The following DNAAF1 variants were observed in gnomAD, a reference collection of about 807,000 sequenced individuals.
DNAAF1 encodes dynein assembly factor 1, axonemal.
DNAAF1 carries 65 observed loss-of-function variants against 71.1 expected under a neutral mutation model. The ratio of observed to expected loss-of-function variants is 0.91; its 90% CI spans 0.75 to 1.12. The LOEUF is 1.12. Among genes scored for constraint, DNAAF1 ranks in the 50% most tolerant of loss-of-function variants. The probability of loss-of-function intolerance (pLI) is 0.00; values close to 1 mark genes in which losing one functional copy is unlikely to be tolerated. For missense variants in DNAAF1, 1,178 were observed against 899.8 expected (o/e 1.31, Z -3.96); for synonymous variants, 414 against 354.6 (o/e 1.17, Z -1.88).
intron 11 of DNAAF1, chr16:84,176,520 A>T: frequency 1.5e-6 from 1 of 687,578 alleles, no homozygotes; most frequent in South Asian, 1.7e-5. Context: ...CCACCGAGCC[A>T]GCCTCCTCTT....
In DNAAF1 at chr16:84,172,394, C is replaced by T; in HGVS notation, c.1644+19C>T. 6.2e-7 allele frequency: 1 copy of T among 1,613,070 alleles called. No individual in the cohort carries two copies. Among genetic ancestry groups the T allele is most frequent in the East Asian group, 2.2e-5 (1 of 44,876 alleles). On this transcript the variant is annotated intron_variant, in intron 9 of 11. Transcript: ENST00000378553. ...CATTGATGTACATGAAGTATTTAAT[C>T]TTGGAGATAAGTATCAGTTTTACTG...
intron 9 of DNAAF1, chr16:84,174,386 G>C (rs2088543718): frequency 3.0e-6 from 4 of 1,329,994 alleles, no homozygotes; most frequent in Middle Eastern, 6.0e-4. Context: ...AACTGGCTGT[G>C]TCTCTTAATA....
intron 11 of DNAAF1, chr16:84,177,518 G>A (rs1321979362): frequency 2.0e-6 from 1 of 511,918 alleles, no homozygotes; most frequent in Non-Finnish European, 3.6e-6. Flanking sequence ...TAGTAGAGAT[G>A]GGGTTTCACC....
chr16:84,145,552 G>T lies in DNAAF1; in HGVS notation c.112G>T (p.Gly38Cys), dbSNP rs551990619. ...TGACCACGGGAGCGCAGGCCGAGGG[G>T]GCTGCAAGGAAGGTGCCGACTGCCC... ...AGDHGSAGRG[G>C]CKEEINDPKE... is the part of the protein sequence containing the mutation. Residue 38 changes from glycine to cysteine, a missense_variant, in exon 1 of 12, where the codon GGC (glycine) becomes TGC (cysteine). Physicochemically the swap from Gly to Cys is radical, Grantham distance 159 (BLOSUM62 -3). Transcript: ENST00000378553. The T allele has an allele frequency of 6.5e-7, 1 of 1,548,882 alleles. No homozygotes were observed. The highest frequency in any genetic ancestry group is 1.2e-5 in the South Asian group (1 of 84,066).
rs763360364 is a variant in DNAAF1 at position 84,154,695 on chromosome 16, C to G, written c.471C>G (p.Phe157Leu). The change falls in exon 4 of 12, where the codon TTC becomes TTG. Residue 157 changes from phenylalanine (F) to leucine (L), a missense_variant. Physicochemically the swap from Phe to Leu is conservative, Grantham distance 22 (BLOSUM62 0). Coordinates refer to ENST00000378553, the MANE Select transcript of DNAAF1 (RefSeq NM_178452.6). ...CCCAAACTGAGTTGCGTTGCCTCTT[C>G]TTGCAAATGAACTTGCTCCGTAAAA... is the stretch of plus-strand genomic sequence containing the variant. ...LEAQTELRCLFLQMNLLRKIE... is the reference protein window; with the variant it reads ...LEAQTELRCLLLQMNLLRKIE... 1 of 1,614,150 alleles carries G rather than the reference C, an allele frequency of 6.2e-7. No individual in the cohort carries two copies. Among genetic ancestry groups the G allele is most frequent in the East Asian group, 2.2e-5 (1 of 44,882 alleles).
Position 84,155,839 on chromosome 16 carries a change from C to G in DNAAF1, c.741+90C>G, listed in dbSNP as rs1167411521. 7.4e-6 allele frequency: 11 copies of G among 1,484,524 alleles called. No homozygotes were observed. The South Asian group carries it at 8.3e-5, about 11-fold the overall frequency. The allele number at this position is 1,484,524 out of a possible 1,614,324, so 92.0% of individuals were successfully genotyped here. On this transcript the variant is annotated intron_variant, in intron 5 of 11. Transcript: ENST00000378553. The stretch of plus-strand genomic sequence containing the variant: ...AATATCAAGTCCTTTTGTCTTTTCT[C>G]TCCTTCCTGCCTTCCTTCCCTTTTT...
At chr16:84,174,885 T>A in intron 10 of DNAAF1, 163 bp downstream of exon 10, 1 of 963,688 alleles carries the variant, frequency 1.0e-6, no homozygotes, top group Non-Finnish European at 1.6e-6. Context: ...AGGCAGAGTC[T>A]GGCTCTGTCA....
chr16:84,165,674 A>C (rs1475463850), intron 6 of DNAAF1, 109 bp from the exon 7 acceptor site: 2 of 1,063,220 alleles, frequency 1.9e-6, no homozygotes, highest in East Asian at 4.8e-5. Flanking sequence ...TTGCAGTCAC[A>C]TGTCTGATGC....
At chr16:84,147,685 A>C (rs2086975381) in intron 1 of DNAAF1, among the ~76,000 whole-genome samples, 1 of 152,184 alleles carries the variant, frequency 6.6e-6, no homozygotes, top group Non-Finnish European at 1.5e-5. Flanking sequence ...GTGTTTTGCC[A>C]GCAAGAATTG....
chr16:84,172,209 A>G (rs2088395036), intron 8 of DNAAF1, 51 bp from the exon 9 acceptor site: 12 of 1,566,872 alleles, frequency 7.7e-6, no homozygotes, highest in African/African-American at 2.7e-5. Context: ...AGGCTCGTCC[A>G]TCTGCCTGCC....
chr16:84,165,860 G>A lies in DNAAF1; in HGVS notation c.941G>A (p.Arg314Gln), dbSNP rs374704486. Residue 314 changes from arginine to glutamine, a missense_variant, in exon 7 of 12, where the codon CGG becomes CAG. By Grantham distance (43) the Arg-to-Gln change is conservative. Transcript: ENST00000378553. The part of the protein sequence containing the change: ...EERQQWESRE[R>Q]KKITDSIEAL... ...AGACAGCAGTGGGAGAGCAGGGAGC[G>A]GAAGAAGATCACAGACAGCATTGAA... The A allele has an allele frequency of 2.6e-5, 42 of 1,613,198 alleles. No homozygotes were observed. In the East Asian group the frequency reaches 3.1e-4, roughly 12 times the overall value.
chr16:84,156,713 A>G (rs964117516), intron 5 of DNAAF1, among the ~76,000 whole-genome samples: 1 of 152,168 alleles, frequency 6.6e-6, no homozygotes, highest in African/African-American at 2.4e-5. Context: ...ATGCTTCTAC[A>G]CTTCTACAAA....
intron 3 of DNAAF1, among the ~76,000 whole-genome samples, chr16:84,150,558 C>G (rs1184578502): frequency 6.6e-6 from 1 of 151,832 alleles, no homozygotes; most frequent in East Asian, 1.9e-4. Context: ...ATAGGAATAC[C>G]AAGGAAACAC....
At chr16:84,164,341 A>T (rs147585767) in intron 6 of DNAAF1, among the ~76,000 whole-genome samples, 124 of 152,334 alleles carry the variant, frequency 8.1e-4, no homozygotes, top group Non-Finnish European at 1.5e-3. Flanking sequence ...CAAAGGTATC[A>T]TGTCCTGTAT....
Position 84,145,359 on chromosome 16 carries a change from G to T in DNAAF1, c.-82G>T. 1 of 1,540,752 alleles carries T rather than the reference G, an allele frequency of 6.5e-7. No individual in the cohort carries two copies. Reference sequence around the variant, plus strand: ...CGAAGAAGGAAAGAGGGTACTCTCTGGCTGGGCTGGGGCCGTAGCGACGTC... The same window carrying T: ...CGAAGAAGGAAAGAGGGTACTCTCTTGCTGGGCTGGGGCCGTAGCGACGTC... On this transcript the variant is annotated 5_prime_UTR_variant, in exon 1 of 12. Transcript: ENST00000378553.
At chr16:84,163,695 A>G (rs2087828163) in intron 6 of DNAAF1, among the ~76,000 whole-genome samples, 1 of 151,894 alleles carries the variant, frequency 6.6e-6, no homozygotes, top group Non-Finnish European at 1.5e-5. Flanking sequence ...TTTTATTTCT[A>G]GTCCTCTGGA....
In DNAAF1 at chr16:84,176,066, A is replaced by AATT; in HGVS notation, c.1833_1834insTTA (p.Lys611_Asp612insLeu). On this transcript the variant is annotated inframe_insertion, in exon 11 of 12. Coordinates refer to ENST00000378553, the MANE Select transcript of DNAAF1 (RefSeq NM_178452.6). ...CTGTCAAATATATTTGCAGTCTCTA[A>AATT]AGACACCTCAAAGGCGGCTCGGGTG... 1 of 1,614,126 alleles carries AATT rather than the reference A, an allele frequency of 6.2e-7. No individual in the cohort carries two copies. The highest frequency in any genetic ancestry group is 1.7e-5 in the Admixed American group (1 of 60,012).
chr16:84,176,372 G>C, intron 11 of DNAAF1, 73 bp downstream of exon 11: 1 of 1,604,854 alleles, frequency 6.2e-7, no homozygotes, highest in East Asian at 2.2e-5. Context: ...GGGCAGGGCA[G>C]TCACTCAGCC....
intron 1 of DNAAF1, among the ~76,000 whole-genome samples, chr16:84,146,617 T>G (rs953986385): frequency 6.6e-6 from 1 of 152,024 alleles, no homozygotes; most frequent in African/African-American, 2.4e-5. Context: ...CTTGGGAGGC[T>G]AAGGCAGGAG....
Sources: gnomAD v4.1 joint callset for allele counts (sites outside exome capture counted in the v4.1 genomes callset) on GRCh38, gnomAD v4.1.1 for gene constraint, MANE v1.5 for transcripts, NCBI Gene and HGNC (gene_info 2026-07-23, HGNC 2026-07-21) for gene names.